NMT2: variants seen among roughly 807,000 people sequenced by gnomAD.
NMT2 encodes glycylpeptide N-tetradecanoyltransferase 2.
In NMT2, 35 loss-of-function variants were observed where a neutral mutation model predicts 65.4. That is an observed-to-expected ratio of 0.54 (90% CI 0.41 to 0.71). NMT2 has a LOEUF of 0.71. Among genes scored for constraint, NMT2 ranks in the 30% least tolerant of loss-of-function variants. The pLI is 0.00. For synonymous variants in NMT2, 226 were observed against 231.8 expected, an observed-to-expected ratio of 0.98 and a Z score of 0.23; for missense variants, 489 against 611.3, an observed-to-expected ratio of 0.80 and a Z score of 2.11.
At chr10:15,143,808 T>C (rs1166380880) in intron 1 of NMT2, among the ~76,000 whole-genome samples, 1 of 152,124 alleles carries the variant, frequency 6.6e-6, no homozygotes, top group Admixed American at 6.6e-5. Context: ...TGAGCCATGA[T>C]CATGCCACTG....
intron 8 of NMT2, among the ~76,000 whole-genome samples, chr10:15,124,486 C>T (rs923461969): frequency 2.6e-5 from 4 of 152,258 alleles, no homozygotes; most frequent in Admixed American, 6.5e-5. Flanking sequence ...TCGAGCATAA[C>T]GCCGGCCACA....
intron 1 of NMT2, among the ~76,000 whole-genome samples, chr10:15,164,023 C>CA (rs1281051564): frequency 6.6e-6 from 1 of 151,664 alleles, no homozygotes; most frequent in South Asian, 2.1e-4. Flanking sequence ...ACTAAAAATA[C>CA]AAAAAAATTA....
Position 15,168,644 on chromosome 10 carries a change from G to T in NMT2, c.-32C>A, listed in dbSNP as rs376289144. 1 of 1,537,774 alleles carries T rather than the reference G, an allele frequency of 6.5e-7. No homozygotes were observed. The highest frequency in any genetic ancestry group is 1.1e-5 in the South Asian group (1 of 87,012). ...GGCGCTGGCTGGGGAGGCGGTGCTC[G>T]GGGCCGGGCCGGAGCGGCCGCAGCT... On this transcript the variant is annotated 5_prime_UTR_variant, in exon 1 of 12. Transcript: ENST00000378165.
chr10:15,164,958 G>C (rs969651008), intron 1 of NMT2, among the ~76,000 whole-genome samples: 1 of 152,158 alleles, frequency 6.6e-6, no homozygotes, highest in Non-Finnish European at 1.5e-5. Context: ...CAGGTCAGGA[G>C]TTTGAGACCA....
At position 15,112,814 on chromosome 10, in the gene NMT2, C is replaced by T. The variant is rs530895662; in HGVS notation, c.1320G>A (p.Ala440=). 26 of 1,612,862 alleles carry T rather than the reference C, an allele frequency of 1.6e-5. No homozygotes were observed. The African/African-American group carries it at 1.7e-4, about 11-fold the overall frequency. ...ETPLLDLMSD[A]LILAKSKGFD... is the part of the protein sequence containing the mutation. ...GGCTTACCGATTTAGCCAGGATGAG[C>T]GCGTCGCTCATGAGGTCCAGCAGGG... Residue 440 remains alanine, a synonymous_variant, in exon 10 of 12, where the codon GCG becomes GCA. Coordinates refer to ENST00000378165, the MANE Select transcript of NMT2 (RefSeq NM_004808.3).
chr10:15,163,752 A>G (rs1455259072), intron 1 of NMT2, among the ~76,000 whole-genome samples: 1 of 152,170 alleles, frequency 6.6e-6, no homozygotes, highest in Non-Finnish European at 1.5e-5. Context: ...ATAGTGCCCA[A>G]AGAAGAACTT....
intron 9 of NMT2, among the ~76,000 whole-genome samples, chr10:15,117,608 C>T (rs1257582218): frequency 6.6e-6 from 1 of 152,142 alleles, no homozygotes; most frequent in Non-Finnish European, 1.5e-5. Context: ...AAAGCTGTCC[C>T]TATTTGCAGA....
intron 6 of NMT2, among the ~76,000 whole-genome samples, chr10:15,130,695 C>T (rs1269395490): frequency 3.1e-5 from 4 of 127,936 alleles, no homozygotes; most frequent in Non-Finnish European, 4.8e-5. Flanking sequence ...CAGAGCAAGG[C>T]CCTGTCTCAA....
intron 7 of NMT2, among the ~76,000 whole-genome samples, chr10:15,128,802 C>T (rs977229225): frequency 6.6e-6 from 1 of 152,056 alleles, no homozygotes; most frequent in Non-Finnish European, 1.5e-5. Flanking sequence ...GCCAGGAGTT[C>T]AAGACCAGCC....
At chr10:15,128,709 A>C (rs1846178568) in intron 7 of NMT2, among the ~76,000 whole-genome samples, 1 of 152,224 alleles carries the variant, frequency 6.6e-6, no homozygotes, top group African/African-American at 2.4e-5. Context: ...AAAACTGCAA[A>C]GGAAATATTA....
rs555088403 is a variant in NMT2, at chr10:15,112,394, A to T, written c.1338+402T>A. 1.1e-4 allele frequency among the ~76,000 whole-genome samples: 17 copies of T among 150,296 alleles called. No homozygotes were observed. The South Asian group carries it at 3.4e-3, about 30-fold the overall frequency. ...CAGGCACACACCACGAAGCCTGGCT[A>T]ACTTTTGTATTTTTAGTAGAGACGA... On this transcript the variant is annotated intron_variant, in intron 10 of 11. Coordinates refer to ENST00000378165, the MANE Select transcript of NMT2 (RefSeq NM_004808.3).
chr10:15,109,574 A>T lies in NMT2; in HGVS notation c.1476+128T>A, dbSNP rs182022935. The T allele has an allele frequency of 9.4e-4, 748 of 792,026 alleles. 5 individuals carry two copies. The African/African-American group carries it at 0.012, about 13-fold the overall frequency. The allele number at this position is 792,026 out of a possible 1,614,324, so 49.1% of individuals were successfully genotyped here. A position where few individuals can be genotyped will look rare whatever the true frequency, so the allele number is the denominator to read the frequency against. The stretch of plus-strand genomic sequence containing the variant: ...GGACAGAGCGAGACTTCATCTCAAA[A>T]AAATAAATAAATAAATAAATAAAAT... On this transcript the variant is annotated intron_variant, in intron 11 of 11. Coordinates refer to ENST00000378165, the MANE Select transcript of NMT2 (RefSeq NM_004808.3).
intron 1 of NMT2, among the ~76,000 whole-genome samples, chr10:15,142,806 G>A (rs958861459): frequency 6.6e-6 from 1 of 152,232 alleles, no homozygotes; most frequent in South Asian, 2.1e-4. Context: ...TATCTGACTA[G>A]CAATTGGGAT....
At chr10:15,141,584 C>A in intron 1 of NMT2, 27 bp from the exon 2 acceptor site, 2 of 1,579,196 alleles carry the variant, frequency 1.3e-6, no homozygotes, top group Non-Finnish European at 1.7e-6. Context: ...GATGGTGAAA[C>A]CAACCAACAA....
At position 15,133,267 on chromosome 10, in the gene NMT2, A is replaced by G; in HGVS notation, c.488T>C (p.Leu163Ser). 1 of 1,614,070 alleles carries G rather than the reference A, an allele frequency of 6.2e-7. No individual in the cohort carries two copies. The highest frequency in any genetic ancestry group is 8.5e-7 in the Non-Finnish European group (1 of 1,179,900). Residue 163 changes from leucine to serine, a missense_variant, in exon 4 of 12, where the codon TTA (leucine) becomes TCA (serine). Physicochemically the swap from Leu to Ser is moderately radical, Grantham distance 145. Transcript: ENST00000378165. ...SLPQGFMWDT[L>S]DLSDAEVLKE... ...CACCACTTCGGCATCACTCAAGTCT[A>G]AAGTGTCCCACATAAAACCCTGTGG...
At chr10:15,166,791 G>A (rs932922971) in intron 1 of NMT2, among the ~76,000 whole-genome samples, 3 of 152,176 alleles carry the variant, frequency 2.0e-5, no homozygotes, top group Admixed American at 6.5e-5. Context: ...GCCTCTGGGT[G>A]CTACTCTGGG....
chr10:15,156,813 G>A (rs901023222), intron 1 of NMT2, among the ~76,000 whole-genome samples: 8 of 151,796 alleles, frequency 5.3e-5, no homozygotes, highest in African/African-American at 9.7e-5. Flanking sequence ...GGAGAATTGC[G>A]TGAACCCGGG....
chr10:15,156,959 A>C (rs188316647), intron 1 of NMT2, among the ~76,000 whole-genome samples: 10 of 152,280 alleles, frequency 6.6e-5, no homozygotes, highest in Admixed American at 6.5e-4. Context: ...AACCAAAATA[A>C]GCACTCTGCT....
In NMT2 at chr10:15,138,746, T is replaced by TATC. The variant is rs573604216; in HGVS notation, c.246+2673_246+2675dup. Among the ~76,000 whole-genome samples, 6 of 152,350 alleles carry TATC rather than the reference T, an allele frequency of 3.9e-5. No homozygotes were observed. The East Asian group carries it at 1.2e-3, about 29-fold the overall frequency. ...TGCAGTCCACTGTAATTTACAGTGC[T>TATC]ATCTAGAGTTGGCATAAGCTTAAAG... On this transcript the variant is annotated intron_variant, in intron 2 of 11. Transcript: ENST00000378165.
Sources: gnomAD v4.1 joint callset for allele counts (sites outside exome capture counted in the v4.1 genomes callset) on GRCh38, gnomAD v4.1.1 for gene constraint, MANE v1.5 for transcripts, NCBI Gene and HGNC (gene_info 2026-07-23, HGNC 2026-07-21) for gene names.